The following SRD5A2 variants were observed in gnomAD, a reference collection of about 807,000 sequenced individuals.
The protein encoded by SRD5A2 is 3-oxo-5-alpha-steroid 4-dehydrogenase 2.
In SRD5A2, 30 loss-of-function variants were observed where a neutral mutation model predicts 27.4. The ratio of observed to expected loss-of-function variants is 1.10; its 90% CI spans 0.82 to 1.49. The LOEUF (loss-of-function observed/expected upper bound fraction) is 1.49, where lower values mean the gene tolerates loss of function less well. Ranked by LOEUF, SRD5A2 falls within the 40% of genes most tolerant of loss-of-function variation. SRD5A2 has a pLI of 0.00. For synonymous variants in SRD5A2, 141 were observed against 133.6 expected, an observed-to-expected ratio of 1.06 and a Z score of -0.38; for missense variants, 348 against 323.4, an observed-to-expected ratio of 1.08 and a Z score of -0.58.
At chr2:31,650,465 C>G in the SRD5A2 span, among the ~76,000 whole-genome samples, 1 of 152,144 alleles carries the variant, frequency 6.6e-6, no homozygotes, top group Non-Finnish European at 1.5e-5. Context: ...AGAGCCTTCC[C>G]TCTTTCCTCT....
At chr2:31,627,350 TTTTC>T in the SRD5A2 span, among the ~76,000 whole-genome samples, 4 of 152,064 alleles carry the variant, frequency 2.6e-5, no homozygotes, top group African/African-American at 4.8e-5. Flanking sequence ...TTGCATCTTC[TTTTC>T]TTTATTATTC....
At chr2:31,565,516 T>C (rs1344375638) in intron 1 of SRD5A2, among the ~76,000 whole-genome samples, 1 of 151,926 alleles carries the variant, frequency 6.6e-6, no homozygotes. Context: ...ACATGGTAGA[T>C]ACATATACCA....
At chr2:31,624,069 T>G in the SRD5A2 span, among the ~76,000 whole-genome samples, 2 of 152,106 alleles carry the variant, frequency 1.3e-5, no homozygotes, top group African/African-American at 2.4e-5. Flanking sequence ...ATTTTCTTTT[T>G]TTGTTGCTGT....
At chr2:31,600,096 T>A in the SRD5A2 span, among the ~76,000 whole-genome samples, 1 of 152,020 alleles carries the variant, frequency 6.6e-6, no homozygotes, top group Admixed American at 6.6e-5. Flanking sequence ...TGGTTTTCTG[T>A]TCCTGCATTA....
chr2:31,637,430 T>C, the SRD5A2 span, among the ~76,000 whole-genome samples: 82 of 152,198 alleles, frequency 5.4e-4, no homozygotes, highest in Admixed American at 2.1e-3. Flanking sequence ...TATTACAATG[T>C]ATTTTCATAA....
chr2:31,606,327 C>T, the SRD5A2 span, among the ~76,000 whole-genome samples: 1 of 152,094 alleles, frequency 6.6e-6, no homozygotes, highest in South Asian at 2.1e-4. Context: ...GGCATAAATG[C>T]TTGAGGGTAT....
At position 31,524,359 on chromosome 2, in the gene SRD5A2, T is replaced by A. The variant is rs1665727314; in HGVS notation, c.*1837A>T. On this transcript the variant is annotated 3_prime_UTR_variant, in exon 5 of 5. Coordinates refer to ENST00000622030, the MANE Select transcript of SRD5A2 (RefSeq NM_000348.4). Reference sequence around the variant, plus strand: ...ACGTTTTCCTGCACCTTTATTGTACTTCCTTGTAGTTCTGAATTGTGGCTG... The same window carrying A: ...ACGTTTTCCTGCACCTTTATTGTACATCCTTGTAGTTCTGAATTGTGGCTG... 4.4e-6 allele frequency: 1 copy of A among 227,450 alleles called. No homozygotes were observed. Among genetic ancestry groups the A allele is most frequent in the Non-Finnish European group, 8.7e-6 (1 of 114,460 alleles). The allele number at this position is 227,450 out of a possible 1,614,324, so 14.1% of individuals were successfully genotyped here. A position where few individuals can be genotyped will look rare whatever the true frequency, so the allele number is the denominator to read the frequency against.
the SRD5A2 span, among the ~76,000 whole-genome samples, chr2:31,613,101 A>G: frequency 5.9e-5 from 9 of 152,204 alleles, no homozygotes; most frequent in Non-Finnish European, 1.3e-4. Context: ...CATGACATTG[A>G]GCTGGTTAAT....
intron 1 of SRD5A2, among the ~76,000 whole-genome samples, chr2:31,534,271 T>C (rs1665978178): frequency 6.6e-6 from 1 of 152,232 alleles, no homozygotes; most frequent in South Asian, 2.1e-4. Context: ...TTCAAAAAGA[T>C]GTACTGTCAC....
the SRD5A2 span, among the ~76,000 whole-genome samples, chr2:31,650,005 A>G: frequency 8.5e-5 from 13 of 152,086 alleles, no homozygotes; most frequent in Non-Finnish European, 1.6e-4. Context: ...TTACAGGTAA[A>G]GCTCAACATT....
At chr2:31,623,341 C>A in the SRD5A2 span, among the ~76,000 whole-genome samples, 1 of 151,914 alleles carries the variant, frequency 6.6e-6, no homozygotes, top group Non-Finnish European at 1.5e-5. Context: ...ATGGATAAAG[C>A]AAGAAAAATG....
At chr2:31,602,630 C>T in the SRD5A2 span, among the ~76,000 whole-genome samples, 2 of 151,568 alleles carry the variant, frequency 1.3e-5, no homozygotes, top group Admixed American at 6.6e-5. Flanking sequence ...ACAAAGCTGG[C>T]GATATCATGC....
At chr2:31,619,146 A>C in the SRD5A2 span, among the ~76,000 whole-genome samples, 2 of 152,156 alleles carry the variant, frequency 1.3e-5, no homozygotes, top group Non-Finnish European at 2.9e-5. Flanking sequence ...GGCTATAATC[A>C]AAAAGACAGA....
chr2:31,653,982 A>G, the SRD5A2 span, among the ~76,000 whole-genome samples: 1 of 152,076 alleles, frequency 6.6e-6, no homozygotes, highest in Non-Finnish European at 1.5e-5. Flanking sequence ...CAACTAGGAG[A>G]CAGATAACAT....
At chr2:31,567,275 T>G (rs975903468) in intron 1 of SRD5A2, among the ~76,000 whole-genome samples, 1 of 152,302 alleles carries the variant, frequency 6.6e-6, no homozygotes, top group East Asian at 1.9e-4. Context: ...CAGCACTTGT[T>G]GAACATTTCC....
At chr2:31,579,111 T>A (rs1057031904) in intron 1 of SRD5A2, among the ~76,000 whole-genome samples, 2 of 152,312 alleles carry the variant, frequency 1.3e-5, no homozygotes, top group Admixed American at 1.3e-4. Context: ...CTGTGTAAAA[T>A]AAAGAATCTT....
chr2:31,611,304 C>A, the SRD5A2 span, among the ~76,000 whole-genome samples: 1 of 152,054 alleles, frequency 6.6e-6, no homozygotes, highest in Non-Finnish European at 1.5e-5. Flanking sequence ...TTATTTTAAG[C>A]CAAAAAATTT....
At chr2:31,653,328 G>C in the SRD5A2 span, among the ~76,000 whole-genome samples, 2 of 152,146 alleles carry the variant, frequency 1.3e-5, no homozygotes, top group East Asian at 1.9e-4. Flanking sequence ...CTCCATCTCA[G>C]AGTTTGAGTC....
chr2:31,581,872 C>T (rs1010543710), upstream of SRD5A2, among the ~76,000 whole-genome samples: 2 of 152,220 alleles, frequency 1.3e-5, no homozygotes, highest in African/African-American at 4.8e-5. Flanking sequence ...CACGCAGACG[C>T]GGTTCTTTCT....
Sources: gnomAD v4.1 joint callset for allele counts (sites outside exome capture counted in the v4.1 genomes callset) on GRCh38, gnomAD v4.1.1 for gene constraint, MANE v1.5 for transcripts, NCBI Gene and HGNC (gene_info 2026-07-23, HGNC 2026-07-21) for gene names.